ASTN2: variants seen among roughly 807,000 people sequenced by gnomAD.
ASTN2 encodes the protein astrotactin 2.
A neutral mutation model predicts 139.8 loss-of-function variants in ASTN2; 54 were observed. The ratio of observed to expected loss-of-function variants is 0.39; its 90% CI spans 0.31 to 0.48. ASTN2 has a LOEUF of 0.48. ASTN2 is among the 20% of genes least tolerant of loss of function. ASTN2 has a pLI of 0.95. For synonymous variants in ASTN2, 756 were observed against 719.5 expected (o/e 1.05, Z -0.81); for missense variants, 1,565 against 1,725.1 (o/e 0.91, Z 1.64).
intron 10 of ASTN2, among the ~76,000 whole-genome samples, chr9:116,934,634 G>T (rs191417530): frequency 1.7e-4 from 26 of 152,202 alleles, no homozygotes; most frequent in South Asian, 1.0e-3. Flanking sequence ...GGTGGGAGGG[G>T]GGAAGAGGAT....
intron 16 of ASTN2, among the ~76,000 whole-genome samples, chr9:116,685,880 T>C (rs950357559): frequency 1.3e-5 from 2 of 151,974 alleles, no homozygotes; most frequent in Non-Finnish European, 2.9e-5. Flanking sequence ...TATTGATACA[T>C]ATACACACAT....
chr9:116,843,451 A>G (rs1298912183), intron 11 of ASTN2, among the ~76,000 whole-genome samples: 1 of 152,146 alleles, frequency 6.6e-6, no homozygotes, highest in Non-Finnish European at 1.5e-5. Flanking sequence ...TCAGGTCAGG[A>G]GTTTGAGATC....
intron 13 of ASTN2, among the ~76,000 whole-genome samples, chr9:116,750,220 T>C (rs1355176904): frequency 1.3e-5 from 2 of 152,242 alleles, no homozygotes; most frequent in Non-Finnish European, 2.9e-5. Flanking sequence ...CAAAGCCACA[T>C]TTTAACTGAC....
At position 117,071,806 on chromosome 9, in the gene ASTN2, G is replaced by A. The variant is rs560325734; in HGVS notation, c.1276+24238C>T. Among the ~76,000 whole-genome samples, 688 of 151,982 alleles carry A rather than the reference G, an allele frequency of 4.5e-3. 4 individuals are homozygous for A. The highest frequency in any genetic ancestry group is 0.016 in the African/African-American group (663 of 41,424). On this transcript the variant is annotated intron_variant, in intron 5 of 22. Coordinates refer to ENST00000313400, the MANE Select transcript of ASTN2 (RefSeq NM_001365068.1). ...CGTCCGTCACCCCTTTCTTTGACTCGGAAAGGGAACTCCCTGACCCCTTGC... is the reference window on the plus strand; with the variant it reads ...CGTCCGTCACCCCTTTCTTTGACTCAGAAAGGGAACTCCCTGACCCCTTGC...
intron 5 of ASTN2, among the ~76,000 whole-genome samples, chr9:117,066,810 A>G (rs1282186662): frequency 6.7e-6 from 1 of 149,822 alleles, no homozygotes; most frequent in East Asian, 2.0e-4. Flanking sequence ...TCTTCTTTTG[A>G]GAAGTGTCTG....
chr9:116,804,486 C>T (rs1830979279), intron 13 of ASTN2, among the ~76,000 whole-genome samples: 1 of 152,106 alleles, frequency 6.6e-6, no homozygotes, highest in Admixed American at 6.5e-5. Context: ...GATAATGACT[C>T]CTGCCTCACA....
intron 13 of ASTN2, among the ~76,000 whole-genome samples, chr9:116,804,177 C>T (rs1010478300): frequency 6.6e-6 from 1 of 152,084 alleles, no homozygotes; most frequent in East Asian, 1.9e-4. Flanking sequence ...ATTCACATCT[C>T]CATTCTCATT....
At chr9:116,655,533 T>C (rs1280829187) in intron 16 of ASTN2, among the ~76,000 whole-genome samples, 1 of 152,170 alleles carries the variant, frequency 6.6e-6, no homozygotes, top group African/African-American at 2.4e-5. Context: ...CCTCTCTCAA[T>C]CGTGGCACAG....
chr9:116,570,694 G>A (rs1853471236), intron 19 of ASTN2, among the ~76,000 whole-genome samples: 2 of 152,196 alleles, frequency 1.3e-5, no homozygotes. Flanking sequence ...ACCGCGCCCG[G>A]CTGAGTCTGT....
rs182386511 is a variant in ASTN2, at chr9:116,743,364, C to G, written c.2397-9841G>C. Among the ~76,000 whole-genome samples the G allele has an allele frequency of 2.7e-3, 412 of 152,284 alleles. 2 individuals are homozygous for G. The highest frequency in any genetic ancestry group is 8.7e-3 in the African/African-American group (361 of 41,590). ...AGGAGATTGAGACCATCCTCGCTAA[C>G]ATGGTGAAACCCCGCCTCTACTAAA... is the stretch of plus-strand genomic sequence containing the variant. On this transcript the variant is annotated intron_variant, in intron 13 of 22. Coordinates refer to ENST00000313400, the MANE Select transcript of ASTN2 (RefSeq NM_001365068.1).
chr9:116,631,417 A>C (rs1856738779), intron 17 of ASTN2, among the ~76,000 whole-genome samples: 1 of 152,240 alleles, frequency 6.6e-6, no homozygotes, highest in Admixed American at 6.5e-5. Flanking sequence ...ATTTACAGCC[A>C]CAGGAATAGA....
intron 19 of ASTN2, among the ~76,000 whole-genome samples, chr9:116,557,223 CAAAAAAAAAAAAAAAA>C (rs60756690): frequency 1.9e-5 from 1 of 53,596 alleles, no homozygotes; most frequent in Non-Finnish European, 3.3e-5. Flanking sequence ...GACTCTGTCT[CAAAAAAAAAAAAAAAA>C]AAAAAAAAAA....
chr9:116,996,231 T>C (rs778944211), intron 7 of ASTN2, among the ~76,000 whole-genome samples: 9 of 152,224 alleles, frequency 5.9e-5, no homozygotes, highest in South Asian at 4.2e-4. Context: ...ATCTGATAAT[T>C]ATTAGTATAG....
At chr9:116,444,669 AGG>A (rs915265754) in intron 20 of ASTN2, among the ~76,000 whole-genome samples, 1 of 152,180 alleles carries the variant, frequency 6.6e-6, no homozygotes. Flanking sequence ...CAAAGGAAGC[AGG>A]GGGTGACAGA....
At chr9:116,484,951 T>C (rs1849290919) in intron 20 of ASTN2, among the ~76,000 whole-genome samples, 1 of 152,168 alleles carries the variant, frequency 6.6e-6, no homozygotes, top group South Asian at 2.1e-4. Context: ...AGGATTCCAG[T>C]CCAGCTGACA....
At chr9:116,537,825 A>T (rs1851709147) in intron 19 of ASTN2, among the ~76,000 whole-genome samples, 1 of 152,210 alleles carries the variant, frequency 6.6e-6, no homozygotes, top group Non-Finnish European at 1.5e-5. Context: ...AGTGATTCAA[A>T]CCAGAGAGTA....
At chr9:117,108,668 T>C (rs994980671) in intron 4 of ASTN2, among the ~76,000 whole-genome samples, 1 of 152,172 alleles carries the variant, frequency 6.6e-6, no homozygotes, top group Non-Finnish European at 1.5e-5. Context: ...TAGCATGGAA[T>C]CCTGGGAATA....
intron 2 of ASTN2, among the ~76,000 whole-genome samples, chr9:117,263,727 C>T (rs1833877274): frequency 6.6e-6 from 1 of 152,172 alleles, no homozygotes; most frequent in Non-Finnish European, 1.5e-5. Context: ...TGAACCTTTT[C>T]ACTACCCTGT....
At chr9:116,713,029 C>T (rs1828211527) in intron 16 of ASTN2, among the ~76,000 whole-genome samples, 1 of 152,046 alleles carries the variant, frequency 6.6e-6, no homozygotes, top group Non-Finnish European at 1.5e-5. Flanking sequence ...GACACATGGC[C>T]TTTTGAATTG....
Sources: gnomAD v4.1 joint callset for allele counts (sites outside exome capture counted in the v4.1 genomes callset) on GRCh38, gnomAD v4.1.1 for gene constraint, MANE v1.5 for transcripts, NCBI Gene and HGNC (gene_info 2026-07-23, HGNC 2026-07-21) for gene names.